Variants in THOC2 observed in about 807,000 individuals in gnomAD.
THOC2 encodes the protein THO complex subunit 2.
A neutral mutation model predicts 128.4 loss-of-function variants in THOC2; 10 were observed. The ratio of observed to expected loss-of-function variants is 0.08; its 90% CI spans 0.05 to 0.13. The LOEUF (loss-of-function observed/expected upper bound fraction) is 0.13. Among genes scored for constraint, THOC2 ranks in the 10% least tolerant of loss-of-function variants. The pLI is 1.00. For missense variants in THOC2, 535 were observed against 1,155.7 expected (o/e 0.46, Z 7.79); for synonymous variants, 393 against 396.9 (o/e 0.99, Z 0.12).
At chrX:123,620,881 C>A in intron 32 of THOC2, 26 bp downstream of exon 32, 1 of 1,199,857 alleles carries the variant, frequency 8.3e-7, no homozygotes, top group Non-Finnish European at 1.1e-6. Context: ...CTAACATGGA[C>A]GCTGCCTTCC....
chrX:123,642,269 C>T (rs2047951043), intron 15 of THOC2, among the ~76,000 whole-genome samples: 1 of 109,593 alleles, frequency 9.1e-6, no homozygotes, highest in Non-Finnish European at 1.9e-5. Flanking sequence ...ACTAAAAATA[C>T]AAAGAATTAG....
intron 3 of THOC2, among the ~76,000 whole-genome samples, chrX:123,703,830 G>A (rs771661215): frequency 1.1e-5 from 1 of 87,185 alleles, no homozygotes; most frequent in African/African-American, 4.6e-5. Context: ...GGTGGAAGCT[G>A]CAGTGAGCCA....
At chrX:123,688,024 C>T (rs2050078732) in intron 7 of THOC2, among the ~76,000 whole-genome samples, 1 of 112,134 alleles carries the variant, frequency 8.9e-6, no homozygotes, top group Non-Finnish European at 1.9e-5. Context: ...CTGCTGATGG[C>T]AATGTAAAAT....
chrX:123,627,637 G>A, intron 23 of THOC2, 56 bp downstream of exon 23: 5 of 1,094,907 alleles, frequency 4.6e-6, no homozygotes, highest in East Asian at 3.0e-5. Flanking sequence ...TCAAAATATA[G>A]GTAACATTGA....
At chrX:123,706,540 T>C (rs1344509770) in intron 3 of THOC2, among the ~76,000 whole-genome samples, 1 of 72,515 alleles carries the variant, frequency 1.4e-5, no homozygotes, top group Non-Finnish European at 2.4e-5. Flanking sequence ...CATGGATACC[T>C]TAATTTCATT....
At chrX:123,711,622 A>G (rs955123439) in intron 2 of THOC2, among the ~76,000 whole-genome samples, 3 of 110,584 alleles carry the variant, frequency 2.7e-5, no homozygotes, top group African/African-American at 6.6e-5. Flanking sequence ...CGTCTCTACT[A>G]AAAATACAAA....
chrX:123,723,999 T>C (rs1240629400), intron 1 of THOC2, among the ~76,000 whole-genome samples: 3 of 111,680 alleles, frequency 2.7e-5, no homozygotes, highest in African/African-American at 9.8e-5. Context: ...TTCTCTGTAT[T>C]TTCATTACAT....
At chrX:123,709,840 C>T (rs375298436) in intron 2 of THOC2, among the ~76,000 whole-genome samples, 12 of 111,174 alleles carry the variant, frequency 1.1e-4, no homozygotes, top group Non-Finnish European at 2.1e-4. Context: ...ATTATATACA[C>T]GTATCAAAAT....
At chrX:123,679,894 A>C (rs1246099873) in intron 8 of THOC2, among the ~76,000 whole-genome samples, 1 of 112,271 alleles carries the variant, frequency 8.9e-6, no homozygotes, top group Non-Finnish European at 1.9e-5. Flanking sequence ...GCTTGTTAAG[A>C]GTCATCACCA....
rs1421423001 is a variant in THOC2 at position 123,632,767 on chromosome X, T to G, written c.2316+94A>C. The stretch of plus-strand genomic sequence containing the variant: ...ATTAGGATGTCTCATATTCAAATGA[T>G]GTGCAAAAATGACATTTTTCAAATT... On this transcript the variant is annotated intron_variant, in intron 21 of 38. Transcript: ENST00000245838. 7 of 698,704 alleles carry G rather than the reference T, an allele frequency of 1.0e-5. No homozygotes were observed. In the East Asian group the frequency reaches 2.3e-4, roughly 23 times the overall value. 57.6% of individuals were successfully genotyped at this position (698,704 alleles called of 1,213,427 possible).
intron 8 of THOC2, among the ~76,000 whole-genome samples, chrX:123,682,432 C>G (rs1437369731): frequency 2.7e-5 from 3 of 111,785 alleles, no homozygotes. Context: ...TCTGATACAT[C>G]CACACTGACC....
rs1217329320 is a variant in THOC2, at chrX:123,623,933, G to A, written c.3357C>T (p.His1119=). 1.7e-6 allele frequency: 2 copies of A among 1,205,044 alleles called. No homozygotes were observed. The highest frequency in any genetic ancestry group is 2.2e-6 in the Non-Finnish European group (2 of 893,533). Residue 1119 remains histidine (H), a synonymous_variant, in exon 28 of 39, where the codon CAC becomes CAT. Transcript: ENST00000245838. ...TTAGCACAATCAAGATATTCCTGAT[G>A]TGAGTATATTCGCCTGTTTCAAGGC... ...VHCLETGEYT[H]IRNILIVLTK...
intron 38 of THOC2, among the ~76,000 whole-genome samples, chrX:123,604,519 A>G (rs1479509452): frequency 9.0e-6 from 1 of 111,555 alleles, no homozygotes; most frequent in East Asian, 2.8e-4. Context: ...GAGCTGTGAT[A>G]GCAAGAATCA....
intron 4 of THOC2, among the ~76,000 whole-genome samples, 161 bp downstream of exon 4, chrX:123,703,293 T>C (rs1440430852): frequency 8.9e-6 from 1 of 112,133 alleles, no homozygotes; most frequent in Non-Finnish European, 1.9e-5. Flanking sequence ...ATAACATTGA[T>C]TATGACATTT....
At chrX:123,641,963 A>C (rs1437546432) in intron 15 of THOC2, among the ~76,000 whole-genome samples, 1 of 112,369 alleles carries the variant, frequency 8.9e-6, no homozygotes, top group Non-Finnish European at 1.9e-5. Flanking sequence ...ATAGCTTACA[A>C]ATATAACAAA....
At chrX:123,626,391 T>C in intron 24 of THOC2, 130 bp downstream of exon 24, 2 of 696,330 alleles carry the variant, frequency 2.9e-6, no homozygotes, top group Non-Finnish European at 4.1e-6. Context: ...CATTAACAAA[T>C]AACCAAAGAA....
rs2050437368 is a variant in THOC2 at position 123,696,065 on chromosome X, C to G, written c.557G>C (p.Ser186Thr). 8.8e-7 allele frequency: 1 copy of G among 1,139,643 alleles called. No homozygotes were observed. Among genetic ancestry groups the G allele is most frequent in the South Asian group, 1.8e-5 (1 of 54,695 alleles). The allele number at this position is 1,139,643 out of a possible 1,213,427, so 93.9% of individuals were successfully genotyped here. The part of the protein sequence containing the change: ...IAELGQDLSG[S>T]ITSDLILENI... ...TTCTAAGATTAAATCACTAGTAATA[C>G]TTCCAGATAAATCTTGCCCCAATTC... Residue 186 changes from serine to threonine, a missense_variant, in exon 7 of 39, where the codon AGT becomes ACT. Around this residue, in one of 9 missense-constraint regions of THOC2, gnomAD observed 10 missense variants for 63.0 expected, o/e 0.16. Coordinates refer to ENST00000245838, the MANE Select transcript of THOC2 (RefSeq NM_001081550.2).
chrX:123,706,796 T>C, intron 3 of THOC2, 62 bp downstream of exon 3: 1 of 484,409 alleles, frequency 2.1e-6, no homozygotes. Flanking sequence ...TTCAGGGATC[T>C]TTGTGTCAAA....
chrX:123,663,623 G>GTT (rs754845207), intron 12 of THOC2, among the ~76,000 whole-genome samples: 1 of 100,144 alleles, frequency 1.0e-5, no homozygotes, highest in African/African-American at 3.6e-5. Flanking sequence ...GTACTATTCT[G>GTT]TTTTTTTTTT....
Sources: gnomAD v4.1 joint callset for allele counts (sites outside exome capture counted in the v4.1 genomes callset) on GRCh38, gnomAD v4.1.1 for gene constraint, gnomAD v4.1.1 regional missense constraint, MANE v1.5 for transcripts, NCBI Gene and HGNC (gene_info 2026-07-23, HGNC 2026-07-21) for gene names.